The following SORCS3 variants were observed in gnomAD, a reference collection of about 807,000 sequenced individuals.
SORCS3 encodes sortilin related VPS10 domain containing receptor 3.
SORCS3 carries 57 observed loss-of-function variants against 146.3 expected under a neutral mutation model. The ratio of observed to expected loss-of-function variants is 0.39; its 90% CI spans 0.31 to 0.49. The LOEUF (loss-of-function observed/expected upper bound fraction) is 0.49. SORCS3 is among the 20% of genes least tolerant of loss of function. The pLI is 0.92. For synonymous variants in SORCS3, 653 were observed against 618.5 expected, an observed-to-expected ratio of 1.06 and a Z score of -0.83; for missense variants, 1,341 against 1,575.5, an observed-to-expected ratio of 0.85 and a Z score of 2.52.
intron 1 of SORCS3, among the ~76,000 whole-genome samples, chr10:104,759,830 G>A (rs189276619): frequency 3.8e-4 from 58 of 152,288 alleles, no homozygotes; most frequent in Non-Finnish European, 3.2e-4. Context: ...TTCTGGGTCA[G>A]TGGCTGACAC....
intron 1 of SORCS3, among the ~76,000 whole-genome samples, chr10:104,820,143 G>A (rs2017856575): frequency 6.6e-6 from 1 of 152,086 alleles, no homozygotes; most frequent in African/African-American, 2.4e-5. Context: ...GTAAGGAGGT[G>A]GAATTTGAAA....
chr10:104,893,923 C>G (rs1160807988), intron 2 of SORCS3, among the ~76,000 whole-genome samples: 1 of 152,162 alleles, frequency 6.6e-6, no homozygotes, highest in Non-Finnish European at 1.5e-5. Context: ...GTTCCATCCT[C>G]CCTTTCTGCA....
intron 2 of SORCS3, among the ~76,000 whole-genome samples, chr10:104,849,006 A>G (rs1184418696): frequency 6.6e-6 from 1 of 152,242 alleles, no homozygotes; most frequent in Non-Finnish European, 1.5e-5. Flanking sequence ...CATAAAAAAT[A>G]CAAAACAATT....
chr10:105,243,175 A>C (rs977890734), intron 20 of SORCS3, among the ~76,000 whole-genome samples: 1 of 150,408 alleles, frequency 6.6e-6, no homozygotes, highest in African/African-American at 2.5e-5. Context: ...TTTGTGTCAG[A>C]TAAGACCTGA....
chr10:104,682,703 CATAT>C (rs1387658646), intron 1 of SORCS3, among the ~76,000 whole-genome samples: 1 of 152,156 alleles, frequency 6.6e-6, no homozygotes, highest in Non-Finnish European at 1.5e-5. Flanking sequence ...CTTTCTCCAG[CATAT>C]TTATTTTGCT....
chr10:104,976,468 G>C (rs567599795), intron 3 of SORCS3, among the ~76,000 whole-genome samples: 4 of 152,198 alleles, frequency 2.6e-5, no homozygotes, highest in Non-Finnish European at 4.4e-5. Flanking sequence ...TGGGGGGACT[G>C]TAAACTAGTT....
chr10:105,066,747 T>G (rs1227930290), intron 5 of SORCS3, among the ~76,000 whole-genome samples: 2 of 152,092 alleles, frequency 1.3e-5, no homozygotes, highest in African/African-American at 4.8e-5. Flanking sequence ...CCCCTCCTAT[T>G]CCTCCTATTT....
rs546560015 is a variant in SORCS3, at chr10:104,944,130, T to G, written c.795+28198T>G. On this transcript the variant is annotated intron_variant, in intron 3 of 26. Transcript: ENST00000369701. The stretch of plus-strand genomic sequence containing the variant: ...GAAATGCAGTGATGAAAATGTGGTC[T>G]TTTAAAAAATATAACTAGGTCTATT... 2.6e-5 allele frequency among the ~76,000 whole-genome samples: 4 copies of G among 152,326 alleles called. No individual in the cohort carries two copies. In the South Asian group the frequency reaches 6.2e-4, roughly 24 times the overall value.
chr10:104,779,850 C>A (rs538375397), intron 1 of SORCS3, among the ~76,000 whole-genome samples: 5 of 152,172 alleles, frequency 3.3e-5, no homozygotes, highest in African/African-American at 4.8e-5. Flanking sequence ...TGCCTCACCC[C>A]GCGCGCTCCG....
Position 105,139,607 on chromosome 10 carries a change from A to G in SORCS3, c.1302+121A>G, listed in dbSNP as rs547438316. 21 of 701,948 alleles carry G rather than the reference A, an allele frequency of 3.0e-5. No homozygotes were observed. The African/African-American group carries it at 3.5e-4, about 12-fold the overall frequency. 43.5% of individuals were successfully genotyped at this position (701,948 alleles called of 1,614,324 possible). ...GGAAGGACTGCTGGCATTTAGACTC[A>G]CTCACCACCAAGTCGTTTGGCCTCC... On this transcript the variant is annotated intron_variant, in intron 8 of 26. Transcript: ENST00000369701.
intron 1 of SORCS3, among the ~76,000 whole-genome samples, chr10:104,701,623 C>T (rs1290978933): frequency 2.0e-5 from 3 of 152,122 alleles, no homozygotes; most frequent in African/African-American, 4.8e-5. Flanking sequence ...GTGTGCATTT[C>T]TCTGATTTTT....
chr10:105,015,236 A>C (rs888517361), intron 4 of SORCS3, among the ~76,000 whole-genome samples: 2 of 152,194 alleles, frequency 1.3e-5, no homozygotes, highest in African/African-American at 2.4e-5. Flanking sequence ...TTGAAGCCAA[A>C]TAAGTGTAAA....
Position 104,641,936 on chromosome 10 carries a change from G to C in SORCS3, c.609G>C (p.Trp203Cys), listed in dbSNP as rs769279931. 16 of 1,548,912 alleles carry C rather than the reference G, an allele frequency of 1.0e-5. No homozygotes were observed. In the African/African-American group the frequency reaches 1.5e-4, roughly 15 times the overall value. ...DSAHNQAMVH[W>C]SGHNSSVILI... is the part of the protein sequence containing the mutation. The stretch of plus-strand genomic sequence containing the variant: ...CCCACAACCAAGCCATGGTGCACTG[G>C]TCGGGACACAACAGCAGCGTGAGTA... The change falls in exon 1 of 27, where the codon TGG becomes TGC. Residue 203 changes from tryptophan to cysteine, a missense_variant. Trp to Cys is a radical substitution (Grantham distance 215, BLOSUM62 -2). Coordinates refer to ENST00000369701, the MANE Select transcript of SORCS3 (RefSeq NM_014978.3). The surrounding 1 kb of genome is among the most constrained non-coding windows in gnomAD (Gnocchi z 6.4).
intron 1 of SORCS3, among the ~76,000 whole-genome samples, chr10:104,718,173 A>G (rs2016501480): frequency 6.6e-6 from 1 of 152,014 alleles, no homozygotes; most frequent in South Asian, 2.1e-4. Context: ...TAAATGAATA[A>G]ATAAATAAAT....
At chr10:104,834,279 G>A (rs995753699) in intron 1 of SORCS3, among the ~76,000 whole-genome samples, 3 of 152,126 alleles carry the variant, frequency 2.0e-5, no homozygotes, top group Non-Finnish European at 4.4e-5. Context: ...CTCACTCGGA[G>A]TAAGTACCAA....
intron 4 of SORCS3, among the ~76,000 whole-genome samples, chr10:104,978,306 G>T (rs757999496): frequency 1.3e-5 from 2 of 152,130 alleles, no homozygotes; most frequent in Admixed American, 6.5e-5. Context: ...TAGAAGGGAA[G>T]CTTCAAACAA....
chr10:104,887,993 A>C (rs981943234), intron 2 of SORCS3, among the ~76,000 whole-genome samples: 5 of 148,038 alleles, frequency 3.4e-5, no homozygotes, highest in Admixed American at 1.3e-4. Flanking sequence ...CCATGAAGAC[A>C]GCATGAGACC....
At chr10:105,168,697 TAAG>T (rs1357184565) in intron 13 of SORCS3, among the ~76,000 whole-genome samples, 1 of 152,180 alleles carries the variant, frequency 6.6e-6, no homozygotes, top group African/African-American at 2.4e-5. Flanking sequence ...GGCAAGGACT[TAAG>T]AAGGATTCTC....
chr10:104,918,338 A>G (rs557196283), intron 3 of SORCS3, among the ~76,000 whole-genome samples: 57 of 152,208 alleles, frequency 3.7e-4, no homozygotes, highest in Non-Finnish European at 7.3e-4. Flanking sequence ...ACATAGCCAG[A>G]TAGAAAAAGG....
Sources: gnomAD v4.1 joint callset for allele counts (sites outside exome capture counted in the v4.1 genomes callset) on GRCh38, gnomAD v4.1.1 for gene constraint, Gnocchi (gnomAD v3.1) non-coding constraint, MANE v1.5 for transcripts, NCBI Gene and HGNC (gene_info 2026-07-23, HGNC 2026-07-21) for gene names.